TANC2: variants seen among roughly 807,000 people sequenced by gnomAD.
TANC2 encodes tetratricopeptide repeat, ankyrin repeat and coiled-coil containing 2.
A neutral mutation model predicts 210.5 loss-of-function variants in TANC2; 26 were observed. That is an observed-to-expected ratio of 0.12 (90% CI 0.09 to 0.17). The LOEUF is 0.17. TANC2 is among the 10% of genes least tolerant of loss of function. The pLI is 1.00. For missense variants in TANC2, 2,129 were observed against 2,608.9 expected, an observed-to-expected ratio of 0.82 and a Z score of 4.01; for synonymous variants, 931 against 967.1, an observed-to-expected ratio of 0.96 and a Z score of 0.69.
At chr17:63,231,289 A>G (rs1405358891) in intron 7 of TANC2, among the ~76,000 whole-genome samples, 2 of 152,078 alleles carry the variant, frequency 1.3e-5, no homozygotes, top group Admixed American at 6.6e-5. Context: ...TGTGAATTTG[A>G]TCCTGTCATC....
chr17:63,063,860 C>G (rs1043726111), intron 2 of TANC2, among the ~76,000 whole-genome samples: 8 of 152,232 alleles, frequency 5.3e-5, no homozygotes, highest in African/African-American at 1.9e-4. Context: ...ACGATTTTCT[C>G]TATAATTTTT....
At chr17:63,214,218 C>T (rs1200930753) in intron 7 of TANC2, among the ~76,000 whole-genome samples, 1 of 152,126 alleles carries the variant, frequency 6.6e-6, no homozygotes, top group Non-Finnish European at 1.5e-5. Flanking sequence ...ATAGAGAAGT[C>T]CAGGGACAGA....
intron 2 of TANC2, among the ~76,000 whole-genome samples, chr17:63,019,278 C>A (rs1467026853): frequency 6.6e-6 from 1 of 152,076 alleles, no homozygotes; most frequent in Non-Finnish European, 1.5e-5. Context: ...CATGCAGTGG[C>A]GTGATCATGA....
At chr17:63,042,680 G>C (rs2035236420) in intron 2 of TANC2, among the ~76,000 whole-genome samples, 1 of 152,220 alleles carries the variant, frequency 6.6e-6, no homozygotes, top group African/African-American at 2.4e-5. Flanking sequence ...ACTCTTGTTA[G>C]TATTTATTTA....
intron 1 of TANC2, among the ~76,000 whole-genome samples, chr17:62,968,861 C>A (rs1449441197): frequency 6.6e-6 from 1 of 152,116 alleles, no homozygotes; most frequent in Non-Finnish European, 1.5e-5. Flanking sequence ...GTTAGGAATT[C>A]AGATTGCTTA....
At chr17:63,241,952 A>G (rs2146086172) in intron 8 of TANC2, among the ~76,000 whole-genome samples, 1 of 152,294 alleles carries the variant, frequency 6.6e-6, no homozygotes, top group Admixed American at 6.5e-5. Flanking sequence ...TGTAATATGC[A>G]TTTAGCTAGA....
At chr17:63,343,240 T>C (rs183658362) in intron 12 of TANC2, among the ~76,000 whole-genome samples, 50 of 152,170 alleles carry the variant, frequency 3.3e-4, no homozygotes, top group Admixed American at 2.4e-3. Flanking sequence ...AAGACACAGA[T>C]TGAAAGTAAA....
chr17:63,226,693 A>G (rs996456057), intron 7 of TANC2, among the ~76,000 whole-genome samples: 2 of 152,156 alleles, frequency 1.3e-5, no homozygotes, highest in African/African-American at 2.4e-5. Flanking sequence ...TCCACCTATC[A>G]ACCCGTCACC....
chr17:63,314,578 A>G, exon 10 of TANC2: 1 of 1,613,974 alleles, frequency 6.2e-7, no homozygotes, highest in East Asian at 2.2e-5. Flanking sequence ...GATTCGGCAA[A>G]ACTGCCATCA....
chr17:63,324,129 T>TA (rs2045574576), intron 11 of TANC2, among the ~76,000 whole-genome samples: 3 of 152,210 alleles, frequency 2.0e-5, no homozygotes, highest in African/African-American at 7.2e-5. Flanking sequence ...AAAAGGTTTT[T>TA]ATGCAACTAG....
intron 2 of TANC2, among the ~76,000 whole-genome samples, chr17:63,061,581 A>G (rs887102326): frequency 2.0e-5 from 3 of 152,128 alleles, no homozygotes; most frequent in Admixed American, 1.3e-4. Context: ...ATGTCTATGT[A>G]TGCATATATG....
chr17:63,355,719 A>C (rs1026394038), intron 14 of TANC2, among the ~76,000 whole-genome samples: 2 of 152,198 alleles, frequency 1.3e-5, no homozygotes, highest in African/African-American at 2.4e-5. Flanking sequence ...TTATTCTGAT[A>C]TGAAGAAAGA....
chr17:63,052,652 C>T (rs2035623122), intron 2 of TANC2, among the ~76,000 whole-genome samples: 1 of 152,164 alleles, frequency 6.6e-6, no homozygotes, highest in Admixed American at 6.5e-5. Context: ...TTTATTCCCT[C>T]TTGGTTTATA....
At chr17:63,238,582 A>G (rs1202611847) in intron 8 of TANC2, among the ~76,000 whole-genome samples, 1 of 152,178 alleles carries the variant, frequency 6.6e-6, no homozygotes, top group Non-Finnish European at 1.5e-5. Context: ...TATCCTGGCT[A>G]TCATTTCATG....
In TANC2 at chr17:63,280,527, A is replaced by G. The variant is rs1435884895; in HGVS notation, c.1159+12654A>G. ...CTCTTTTTAAAAGAGTTGCTTTTTT[A>G]AGAGTCCTTCCCACCATCCTTTGTA... On this transcript the variant is annotated intron_variant, in intron 9 of 27. Coordinates refer to ENST00000689528, the Ensembl canonical transcript of TANC2. Among the ~76,000 whole-genome samples the G allele has an allele frequency of 4.6e-5, 7 of 152,064 alleles. No homozygotes were observed. In the South Asian group the frequency reaches 6.2e-4, roughly 14 times the overall value.
intron 3 of TANC2, among the ~76,000 whole-genome samples, chr17:63,087,987 A>G (rs529395572): frequency 6.6e-6 from 1 of 152,194 alleles, no homozygotes; most frequent in Non-Finnish European, 1.5e-5. Context: ...AGCTCCTTAC[A>G]TGCCAGATGG....
At chr17:63,369,156 A>G (rs1338312026) in intron 14 of TANC2, among the ~76,000 whole-genome samples, 1 of 152,190 alleles carries the variant, frequency 6.6e-6, no homozygotes, top group African/African-American at 2.4e-5. Context: ...TGATGGTATC[A>G]TCTGAATTTC....
At chr17:63,220,308 A>G (rs1409711731) in intron 7 of TANC2, among the ~76,000 whole-genome samples, 14 of 151,984 alleles carry the variant, frequency 9.2e-5, no homozygotes, top group Admixed American at 9.2e-4. Context: ...AAAAAAAAAA[A>G]AGTCCAAAAA....
At chr17:63,144,959 C>T (rs1305390169) in intron 4 of TANC2, among the ~76,000 whole-genome samples, 1 of 151,534 alleles carries the variant, frequency 6.6e-6, no homozygotes, top group Non-Finnish European at 1.5e-5. Context: ...TTTTCCTCTT[C>T]ACCATTTTTC....
Sources: gnomAD v4.1 joint callset for allele counts (sites outside exome capture counted in the v4.1 genomes callset) on GRCh38, gnomAD v4.1.1 for gene constraint, MANE v1.5 for transcripts, NCBI Gene and HGNC (gene_info 2026-07-23, HGNC 2026-07-21) for gene names.